The following ADK variants were observed in gnomAD, a reference collection of about 807,000 sequenced individuals.
ADK encodes the protein adenosine kinase.
In ADK, 24 loss-of-function variants were observed where a neutral mutation model predicts 44.7. The observed-to-expected ratio is 0.54, with a 90% CI of 0.39 to 0.76. The LOEUF is 0.76. Among genes scored for constraint, ADK ranks in the 30% least tolerant of loss-of-function variants. ADK has a pLI of 0.00. For missense variants in ADK, 321 were observed against 425.1 expected (o/e 0.76, Z 2.15); for synonymous variants, 128 against 142.6 (o/e 0.90, Z 0.73).
At chr10:74,352,571 A>G (rs1841996155) in intron 4 of ADK, among the ~76,000 whole-genome samples, 1 of 152,246 alleles carries the variant, frequency 6.6e-6, no homozygotes, top group South Asian at 2.1e-4. Flanking sequence ...AAAATTGACA[A>G]ATGGGATCTA....
intron 10 of ADK, among the ~76,000 whole-genome samples, chr10:74,698,561 T>C (rs1856288617): frequency 6.6e-6 from 1 of 152,246 alleles, no homozygotes; most frequent in Non-Finnish European, 1.5e-5. Flanking sequence ...TTGTTTTGTT[T>C]TGTTTTGTTT....
chr10:74,417,889 C>T (rs189615912), intron 6 of ADK, among the ~76,000 whole-genome samples: 4 of 152,150 alleles, frequency 2.6e-5, no homozygotes, highest in African/African-American at 2.4e-5. Flanking sequence ...TATTTACTCA[C>T]GTGCACAATA....
At chr10:74,177,375 C>T (rs1445759833) in intron 1 of ADK, among the ~76,000 whole-genome samples, 1 of 152,146 alleles carries the variant, frequency 6.6e-6, no homozygotes, top group Non-Finnish European at 1.5e-5. Context: ...AATGTTTGCT[C>T]ATGACTGGAA....
intron 7 of ADK, among the ~76,000 whole-genome samples, chr10:74,556,745 A>G (rs1469195678): frequency 1.3e-5 from 2 of 152,234 alleles, no homozygotes; most frequent in Non-Finnish European, 2.9e-5. Context: ...AACTGGAGGC[A>G]TGCTATTAGT....
At chr10:74,707,751 G>A (rs1856656942) in intron 10 of ADK, among the ~76,000 whole-genome samples, 1 of 136,302 alleles carries the variant, frequency 7.3e-6, no homozygotes, top group Non-Finnish European at 1.6e-5. Context: ...CAACAAGAGT[G>A]GAACTCCACC....
At chr10:74,214,007 C>T (rs965979324) in intron 2 of ADK, among the ~76,000 whole-genome samples, 1 of 152,068 alleles carries the variant, frequency 6.6e-6, no homozygotes, top group Non-Finnish European at 1.5e-5. Context: ...ATTAAGAATA[C>T]AAAGAGTATA....
chr10:74,273,354 A>G (rs1488730633), intron 3 of ADK, among the ~76,000 whole-genome samples: 1 of 152,026 alleles, frequency 6.6e-6, no homozygotes, highest in Non-Finnish European at 1.5e-5. Context: ...CAGGTGATAT[A>G]CCACCAGAGA....
intron 1 of ADK, among the ~76,000 whole-genome samples, chr10:74,200,304 T>C (rs1843328890): frequency 6.6e-6 from 1 of 151,364 alleles, no homozygotes; most frequent in Non-Finnish European, 1.5e-5. Context: ...GCCAACATGG[T>C]GAAACCCCAT....
At chr10:74,564,577 GT>G (rs1270726747) in intron 7 of ADK, among the ~76,000 whole-genome samples, 2 of 151,848 alleles carry the variant, frequency 1.3e-5, no homozygotes, top group Non-Finnish European at 2.9e-5. Flanking sequence ...TTTCTCAACA[GT>G]TTTTGATATT....
chr10:74,488,374 C>CGTGTGTGTGTGTGTGT (rs60178427), intron 6 of ADK, among the ~76,000 whole-genome samples: 2 of 140,768 alleles, frequency 1.4e-5, no homozygotes, highest in African/African-American at 5.2e-5. Flanking sequence ...GGAAAAAAGA[C>CGTGTGTGTGTGTGTGT]GTGTGTGTGT....
Position 74,664,671 on chromosome 10 carries a change from C to T in ADK, c.878-5512C>T, listed in dbSNP as rs551344336. 2.0e-4 allele frequency among the ~76,000 whole-genome samples: 30 copies of T among 152,086 alleles called. 1 individual carries two copies. In the South Asian group the frequency reaches 5.8e-3, roughly 30 times the overall value. ...CAGTCTGGCCAACATGATGAAACTC[C>T]GTCTCTACTAAAAATACAAAAATTA... is the stretch of plus-strand genomic sequence containing the variant. On this transcript the variant is annotated intron_variant, in intron 9 of 10. Transcript: ENST00000539909.
At chr10:74,423,234 A>T (rs1291801274) in intron 6 of ADK, among the ~76,000 whole-genome samples, 2 of 152,188 alleles carry the variant, frequency 1.3e-5, no homozygotes, top group African/African-American at 2.4e-5. Flanking sequence ...CTTAAAATTG[A>T]ATTAGTATTT....
intron 4 of ADK, among the ~76,000 whole-genome samples, chr10:74,384,649 T>TG (rs1427906352): frequency 5.3e-5 from 8 of 152,016 alleles, no homozygotes; most frequent in Admixed American, 2.0e-4. Context: ...CCAGCCTGGG[T>TG]GACAGAGCAA....
chr10:74,514,853 C>A (rs1477957812), intron 6 of ADK, among the ~76,000 whole-genome samples: 2 of 151,966 alleles, frequency 1.3e-5, no homozygotes, highest in Admixed American at 6.6e-5. Context: ...AAGACAAGTT[C>A]TCATTCTGTT....
intron 9 of ADK, among the ~76,000 whole-genome samples, chr10:74,618,048 G>C (rs748185009): frequency 1.3e-5 from 2 of 151,746 alleles, no homozygotes; most frequent in Non-Finnish European, 2.9e-5. Flanking sequence ...CTATTGGTTA[G>C]TGTTTACATG....
intron 6 of ADK, among the ~76,000 whole-genome samples, chr10:74,464,943 C>A (rs563181368): frequency 6.6e-6 from 1 of 152,246 alleles, no homozygotes; most frequent in East Asian, 1.9e-4. Flanking sequence ...TAAAGGAATA[C>A]TACATTCCTG....
At chr10:74,482,764 A>G (rs557837624) in intron 6 of ADK, among the ~76,000 whole-genome samples, 21 of 152,370 alleles carry the variant, frequency 1.4e-4, no homozygotes, top group Non-Finnish European at 1.0e-4. Flanking sequence ...GAAACCCAGC[A>G]GGGCAGTCAT....
intron 3 of ADK, among the ~76,000 whole-genome samples, chr10:74,252,089 T>G (rs540767500): frequency 6.6e-6 from 1 of 152,176 alleles, no homozygotes; most frequent in African/African-American, 2.4e-5. Context: ...GTGGAGGGGC[T>G]TCTTGGAAAG....
chr10:74,572,706 T>G (rs893101807), intron 7 of ADK, among the ~76,000 whole-genome samples: 92 of 152,192 alleles, frequency 6.0e-4, no homozygotes, highest in Non-Finnish European at 1.2e-3. Flanking sequence ...TTGTTTCTTT[T>G]TATTCTTTTT....
Sources: gnomAD v4.1 joint callset for allele counts (sites outside exome capture counted in the v4.1 genomes callset) on GRCh38, gnomAD v4.1.1 for gene constraint, MANE v1.5 for transcripts, NCBI Gene and HGNC (gene_info 2026-07-23, HGNC 2026-07-21) for gene names.